CIAO2B: variants seen among roughly 807,000 people sequenced by gnomAD.
CIAO2B encodes MSS19-interacting protein of 18 kDa.
A neutral mutation model predicts 16.4 loss-of-function variants in CIAO2B; 20 were observed. That is an observed-to-expected ratio of 1.22 (90% CI 0.86 to 1.77). The LOEUF (loss-of-function observed/expected upper bound fraction) is 1.77. Among genes scored for constraint, CIAO2B ranks in the 40% most tolerant of loss-of-function variants. CIAO2B has a pLI of 0.00. For missense variants in CIAO2B, 215 were observed against 222.4 expected, an observed-to-expected ratio of 0.97 and a Z score of 0.21; for synonymous variants, 106 against 90.4, an observed-to-expected ratio of 1.17 and a Z score of -0.98.
At chr16:66,932,744 C>G in intron 4 of CIAO2B, 36 bp downstream of exon 4, 1 of 1,594,516 alleles carries the variant, frequency 6.3e-7, no homozygotes. Flanking sequence ...TTAGGGGGTG[C>G]CCGGGCCAAC....
rs1381360481 is a variant in CIAO2B, at chr16:66,934,242, G to C, written c.123C>G (p.Ile41Met). 6.2e-7 allele frequency: 1 copy of C among 1,609,524 alleles called. No homozygotes were observed. Among genetic ancestry groups the C allele is most frequent in the Admixed American group, 1.7e-5 (1 of 59,916 alleles). ...GEEDEQVPDS[I>M]DAREIFDLIR... Reference sequence around the variant, plus strand: ...GGATATCGAAGATCTCGCGTGCGTCGATGCTGTCGGGAACCTGCTCGTCCT... The same window carrying C: ...GGATATCGAAGATCTCGCGTGCGTCCATGCTGTCGGGAACCTGCTCGTCCT... Residue 41 changes from isoleucine (I) to methionine (M), a missense_variant, in exon 1 of 5, where the codon ATC (isoleucine) becomes ATG (methionine). Physicochemically the swap from Ile to Met is conservative, Grantham distance 10. Coordinates refer to ENST00000422424, the MANE Select transcript of CIAO2B (RefSeq NM_016062.4). This position sits in a 1 kb window ranked among gnomAD's most constrained non-coding sequence, Gnocchi z 4.1.
At position 66,934,057 on chromosome 16, in the gene CIAO2B, C is replaced by G; in HGVS notation, c.152G>C (p.Arg51Pro). 1 of 1,613,658 alleles carries G rather than the reference C, an allele frequency of 6.2e-7. No homozygotes were observed. Residue 51 changes from arginine to proline, a missense_variant, in exon 2 of 5, where the codon CGC (arginine) becomes CCC (proline). Coordinates refer to ENST00000422424, the MANE Select transcript of CIAO2B (RefSeq NM_016062.4). The surrounding 1 kb of genome is among the most constrained non-coding windows in gnomAD (Gnocchi z 4.1). Reference protein sequence around the residue: ...IDAREIFDLIRSINDPEHPLT... With the variant: ...IDAREIFDLIPSINDPEHPLT... Reference sequence around the variant, plus strand: ...TGGATGCTCCGGGTCATTGATGGAGCGAATCAGATGTGGGAAGTGAAGGAA... The same window carrying G: ...TGGATGCTCCGGGTCATTGATGGAGGGAATCAGATGTGGGAAGTGAAGGAA...
In CIAO2B at chr16:66,934,387, C is replaced by T. The variant is rs1439901871; in HGVS notation, c.-23G>A. 27 of 1,505,330 alleles carry T rather than the reference C, an allele frequency of 1.8e-5. No homozygotes were observed. The South Asian group carries it at 2.1e-4, about 12-fold the overall frequency. 93.2% of individuals were successfully genotyped at this position (1,505,330 alleles called of 1,614,324 possible). A position where few individuals can be genotyped will look rare whatever the true frequency, so the allele number is the denominator to read the frequency against. On this transcript the variant is annotated 5_prime_UTR_variant, in exon 1 of 5. Coordinates refer to ENST00000422424, the MANE Select transcript of CIAO2B (RefSeq NM_016062.4). This position sits in a 1 kb window ranked among gnomAD's most constrained non-coding sequence, Gnocchi z 4.1. ...CATCGCGGAACCACCACCGCTGATC[C>T]TAGCAGGCGTGCGCTTCCGCTCCAA...
At position 66,934,113 on chromosome 16, in the gene CIAO2B, C is replaced by T. The variant is rs779940825; in HGVS notation, c.143-47G>A. On this transcript the variant is annotated intron_variant, in intron 1 of 4. Coordinates refer to ENST00000422424, the MANE Select transcript of CIAO2B (RefSeq NM_016062.4). This position sits in a 1 kb window ranked among gnomAD's most constrained non-coding sequence, Gnocchi z 4.1. ...ACTCTGCGCCCTTGCCCACTTAGAA[C>T]CCTCTGCCAGGAACGCCCTGCTGGG... is the stretch of plus-strand genomic sequence containing the variant. The T allele has an allele frequency of 2.5e-6, 4 of 1,612,250 alleles. No individual in the cohort carries two copies. In the South Asian group the frequency reaches 3.3e-5, roughly 13 times the overall value.
chr16:66,933,931 G>T (rs550128491), intron 2 of CIAO2B, 56 bp downstream of exon 2: 1 of 1,603,088 alleles, frequency 6.2e-7, no homozygotes, highest in African/African-American at 1.3e-5. Context: ...AGCTCCTGCT[G>T]CACAGAAACC....
Position 66,934,197 on chromosome 16 carries a change from C to G in CIAO2B, c.142+26G>C, listed in dbSNP as rs760029796. The G allele has an allele frequency of 6.2e-7, 1 of 1,608,190 alleles. No homozygotes were observed. The highest frequency in any genetic ancestry group is 1.3e-5 in the African/African-American group (1 of 74,982). ...CCCCCCACCGCAAGCCCCCGGAACC[C>G]GCCCGCGCCCAGCAGCGGCGGATAT... On this transcript the variant is annotated intron_variant, in intron 1 of 4. Coordinates refer to ENST00000422424, the MANE Select transcript of CIAO2B (RefSeq NM_016062.4). This position sits in a 1 kb window ranked among gnomAD's most constrained non-coding sequence, Gnocchi z 4.1.
intron 2 of CIAO2B, 85 bp downstream of exon 2, chr16:66,933,902 C>A: frequency 6.4e-7 from 1 of 1,574,774 alleles, no homozygotes; most frequent in Non-Finnish European, 8.6e-7. Flanking sequence ...CTTCGGTGTT[C>A]GTGAGCATAG....
intron 4 of CIAO2B, 190 bp downstream of exon 4, chr16:66,932,590 T>C: frequency 1.3e-6 from 1 of 754,712 alleles, no homozygotes; most frequent in Non-Finnish European, 2.3e-6. Context: ...GAAGAGGACA[T>C]GGTAAGCAAA....
intron 3 of CIAO2B, chr16:66,933,358 C>G: frequency 4.1e-6 from 2 of 493,080 alleles, no homozygotes; most frequent in Non-Finnish European, 7.2e-6. Context: ...TGTGCCCCAC[C>G]CCTGGTCCAA....
Position 66,934,332 on chromosome 16 carries a change from G to C in CIAO2B, c.33C>G (p.Leu11=), listed in dbSNP as rs757950623. 3 of 1,589,374 alleles carry C rather than the reference G, an allele frequency of 1.9e-6. No homozygotes were observed. Among genetic ancestry groups the C allele is most frequent in the South Asian group, 2.2e-5 (2 of 88,998 alleles). MVGGGGVGGG[L]LENANPLIYQ... is the part of the protein sequence containing the mutation. ...AGATGAGGGGGTTGGCATTCTCCAGGAGGCCGCCGCCGACCCCGCCGCCGC... is the reference window on the plus strand; with the variant it reads ...AGATGAGGGGGTTGGCATTCTCCAGCAGGCCGCCGCCGACCCCGCCGCCGC... The change falls in exon 1 of 5, where the codon CTC becomes CTG. Residue 11 remains leucine (L), a synonymous_variant. Coordinates refer to ENST00000422424, the MANE Select transcript of CIAO2B (RefSeq NM_016062.4). The surrounding 1 kb of genome is among the most constrained non-coding windows in gnomAD (Gnocchi z 4.1).
intron 4 of CIAO2B, 102 bp from the exon 5 acceptor site, chr16:66,932,402 C>T (rs190882714): frequency 1.5e-5 from 14 of 911,722 alleles, no homozygotes; most frequent in African/African-American, 9.8e-5. Context: ...ATATGTCCCC[C>T]GCAGCAACAG....
intron 3 of CIAO2B, among the ~76,000 whole-genome samples, chr16:66,933,038 A>G (rs1963089973): frequency 6.6e-6 from 1 of 151,440 alleles, no homozygotes; most frequent in Non-Finnish European, 1.5e-5. Context: ...CCCAGGCTGG[A>G]GTGCAGCAGC....
chr16:66,932,245 G>C lies in CIAO2B; in HGVS notation c.450C>G (p.His150Gln). 1 of 1,613,946 alleles carries C rather than the reference G, an allele frequency of 6.2e-7. No individual in the cohort carries two copies. Among genetic ancestry groups the C allele is most frequent in the Non-Finnish European group, 8.5e-7 (1 of 1,179,854 alleles). The change falls in exon 5 of 5, where the codon CAC becomes CAG. Residue 150 changes from histidine (H) to glutamine (Q), a missense_variant. Coordinates refer to ENST00000422424, the MANE Select transcript of CIAO2B (RefSeq NM_016062.4). ...ERVAAALENT[H>Q]LLEVVNQCLS... Reference sequence around the variant, plus strand: ...GGCACTGATTCACAACCTCCAAGAGGTGGGTGTTCTCCAGGGCAGCTGCCA... The same window carrying C: ...GGCACTGATTCACAACCTCCAAGAGCTGGGTGTTCTCCAGGGCAGCTGCCA...
intron 3 of CIAO2B, 138 bp from the exon 4 acceptor site, chr16:66,932,963 C>A (rs1422194768): frequency 1.2e-6 from 1 of 849,338 alleles, no homozygotes; most frequent in Non-Finnish European, 1.9e-6. Context: ...TTCCGTTACA[C>A]CCCAAACCCA....
rs11075645 is a variant in CIAO2B, at chr16:66,933,756, G to T, written c.223-17C>A. On this transcript the variant is annotated splice_polypyrimidine_tract_variant and intron_variant, in intron 2 of 4. Coordinates refer to ENST00000422424, the MANE Select transcript of CIAO2B (RefSeq NM_016062.4). ...GTCGCTAACCTGGTTGTGGAGGAGA[G>T]ATGTCAAGAGTCAACCACCCTCAGC... The T allele has an allele frequency of 2.6e-6, 4 of 1,552,762 alleles. No individual in the cohort carries two copies. The Admixed American group carries it at 5.9e-5, about 23-fold the overall frequency.
rs201627927 is a variant in CIAO2B, at chr16:66,934,380, G to T, written c.-16C>A. On this transcript the variant is annotated 5_prime_UTR_variant, in exon 1 of 5. Transcript: ENST00000422424. This position sits in a 1 kb window ranked among gnomAD's most constrained non-coding sequence, Gnocchi z 4.1. ...CGCCTACCATCGCGGAACCACCACC[G>T]CTGATCCTAGCAGGCGTGCGCTTCC... 5 of 1,524,372 alleles carry T rather than the reference G, an allele frequency of 3.3e-6. No individual in the cohort carries two copies. 94.4% of individuals were successfully genotyped at this position (1,524,372 alleles called of 1,614,324 possible).
Position 66,934,222 on chromosome 16 carries a change from T to C in CIAO2B, c.142+1A>G. The C allele has an allele frequency of 1.2e-6, 2 of 1,608,750 alleles. No homozygotes were observed. Among genetic ancestry groups the C allele is most frequent in the Non-Finnish European group, 1.7e-6 (2 of 1,178,196 alleles). ...CGCCCGCGCCCAGCAGCGGCGGATATCGAAGATCTCGCGTGCGTCGATGCT... is the reference window on the plus strand; with the variant it reads ...CGCCCGCGCCCAGCAGCGGCGGATACCGAAGATCTCGCGTGCGTCGATGCT... On this transcript the variant is annotated splice_donor_variant, in intron 1 of 4. Coordinates refer to ENST00000422424, the MANE Select transcript of CIAO2B (RefSeq NM_016062.4). LOFTEE classifies it high-confidence loss of function. The surrounding 1 kb of genome is among the most constrained non-coding windows in gnomAD (Gnocchi z 4.1).
In CIAO2B at chr16:66,932,836, G is replaced by A; in HGVS notation, c.349-11C>T. ...AATGTGCACGTCCATCTGGGAGGGA[G>A]ATAACCAGGGCCTGAACACCCACCC... On this transcript the variant is annotated splice_polypyrimidine_tract_variant and intron_variant, in intron 3 of 4. Transcript: ENST00000422424. The A allele has an allele frequency of 6.2e-7, 1 of 1,611,380 alleles. No individual in the cohort carries two copies. The highest frequency in any genetic ancestry group is 8.5e-7 in the Non-Finnish European group (1 of 1,178,844).
intron 3 of CIAO2B, 88 bp from the exon 4 acceptor site, chr16:66,932,913 G>A: frequency 7.1e-7 from 1 of 1,416,742 alleles, no homozygotes; most frequent in South Asian, 1.2e-5. Context: ...ACCATCTCCA[G>A]CTGATCCTTC....
Sources: gnomAD v4.1 joint callset for allele counts (sites outside exome capture counted in the v4.1 genomes callset) on GRCh38, gnomAD v4.1.1 for gene constraint, Gnocchi (gnomAD v3.1) non-coding constraint, MANE v1.5 for transcripts, NCBI Gene and HGNC (gene_info 2026-07-23, HGNC 2026-07-21) for gene names.